Variants in WWOX observed in about 807,000 individuals in gnomAD.
WWOX encodes the protein WW domain containing oxidoreductase.
In WWOX, 69 loss-of-function variants were observed where a neutral mutation model predicts 46.2. That is an observed-to-expected ratio of 1.49 (90% CI 1.23 to 1.82). The LOEUF (loss-of-function observed/expected upper bound fraction) is 1.82. Among genes scored for constraint, WWOX ranks in the 40% most tolerant of loss-of-function variants. WWOX has a pLI of 0.00. For missense variants in WWOX, 919 were observed against 542.6 expected, an observed-to-expected ratio of 1.69 and a Z score of -6.89; for synonymous variants, 359 against 202.6, an observed-to-expected ratio of 1.77 and a Z score of -6.56.
chr16:78,492,064 C>G (rs951749469), intron 8 of WWOX, among the ~76,000 whole-genome samples: 9 of 152,072 alleles, frequency 5.9e-5, no homozygotes, highest in Admixed American at 2.0e-4. Flanking sequence ...TGGGGTTAGT[C>G]TCTGGGTTTT....
chr16:79,211,830 C>A lies in WWOX; in HGVS notation c.*34C>A. The A allele has an allele frequency of 1.9e-6, 3 of 1,613,102 alleles. No homozygotes were observed. The highest frequency in any genetic ancestry group is 2.5e-6 in the Non-Finnish European group (3 of 1,179,756). The stretch of plus-strand genomic sequence containing the variant: ...CAGAGCGGATGGGCACACACACCCG[C>A]CCTGTGTGTGTCCCCTCACGCAAGT... On this transcript the variant is annotated 3_prime_UTR_variant, in exon 9 of 9. Transcript: ENST00000566780.
At chr16:79,008,371 A>T (rs758867546) in intron 8 of WWOX, among the ~76,000 whole-genome samples, 1 of 152,210 alleles carries the variant, frequency 6.6e-6, no homozygotes, top group East Asian at 1.9e-4. Context: ...CCTTTTGATT[A>T]ATGCAAAACC....
chr16:79,198,891 G>C (rs1257559303), intron 8 of WWOX, among the ~76,000 whole-genome samples: 3 of 152,164 alleles, frequency 2.0e-5, no homozygotes, highest in Non-Finnish European at 2.9e-5. Flanking sequence ...ACCTGAAGGT[G>C]TGCTATGTTC....
intron 8 of WWOX, among the ~76,000 whole-genome samples, chr16:78,894,696 T>C (rs2044663275): frequency 1.3e-5 from 2 of 152,054 alleles, no homozygotes; most frequent in African/African-American, 4.8e-5. Context: ...GTGGAAACAA[T>C]AGAGAGAATA....
intron 5 of WWOX, among the ~76,000 whole-genome samples, chr16:78,239,565 C>T (rs965037075): frequency 2.6e-5 from 4 of 152,038 alleles, no homozygotes; most frequent in African/African-American, 7.2e-5. Flanking sequence ...GACAGGGTCT[C>T]GCTTTGTCAT....
At chr16:78,502,646 A>G (rs1453073921) in intron 8 of WWOX, among the ~76,000 whole-genome samples, 1 of 152,198 alleles carries the variant, frequency 6.6e-6, no homozygotes, top group Non-Finnish European at 1.5e-5. Flanking sequence ...GTTGTCCACA[A>G]GTTTCAGCAT....
chr16:78,180,299 G>T (rs1173258176), intron 5 of WWOX, among the ~76,000 whole-genome samples: 1 of 152,106 alleles, frequency 6.6e-6, no homozygotes, highest in East Asian at 1.9e-4. Context: ...CAGAAACCTG[G>T]GCCTTTAGGT....
At chr16:78,383,151 C>G (rs932645927) in intron 5 of WWOX, among the ~76,000 whole-genome samples, 3 of 151,592 alleles carry the variant, frequency 2.0e-5, no homozygotes, top group Non-Finnish European at 4.4e-5. Context: ...GGCCCCACCT[C>G]CAGTATTGGG....
At chr16:78,984,539 C>T (rs1567459823) in intron 8 of WWOX, among the ~76,000 whole-genome samples, 1 of 152,114 alleles carries the variant, frequency 6.6e-6, no homozygotes, top group Non-Finnish European at 1.5e-5. Flanking sequence ...CAGAATTAGC[C>T]CTGTGGGATG....
intron 8 of WWOX, among the ~76,000 whole-genome samples, chr16:78,617,742 G>A (rs1293140916): frequency 6.6e-6 from 1 of 152,146 alleles, no homozygotes; most frequent in Non-Finnish European, 1.5e-5. Flanking sequence ...TGTCTTTTCT[G>A]TGCCATCTTG....
intron 8 of WWOX, among the ~76,000 whole-genome samples, chr16:78,721,082 A>G (rs79640158): frequency 0.018 from 2,789 of 152,202 alleles, 78 homozygotes; most frequent in African/African-American, 0.063. Flanking sequence ...TCACTTGTAG[A>G]TATATATTTA....
chr16:78,760,936 G>C (rs1473542715), intron 8 of WWOX, among the ~76,000 whole-genome samples: 1 of 152,168 alleles, frequency 6.6e-6, no homozygotes, highest in Non-Finnish European at 1.5e-5. Flanking sequence ...AAGAGAGCTT[G>C]TGCAGGGAAA....
intron 5 of WWOX, among the ~76,000 whole-genome samples, chr16:78,200,191 A>T (rs543478943): frequency 5.3e-5 from 8 of 152,206 alleles, no homozygotes; most frequent in Admixed American, 1.3e-4. Context: ...CTGTTGCCTC[A>T]GCCGCTGACC....
At chr16:78,113,026 G>A (rs2032585464) in intron 3 of WWOX, among the ~76,000 whole-genome samples, 1 of 152,122 alleles carries the variant, frequency 6.6e-6, no homozygotes, top group African/African-American at 2.4e-5. Context: ...AATTTTTTAT[G>A]TAGTCAAATC....
intron 8 of WWOX, chr16:79,017,273 A>C (rs1162487156): frequency 1.3e-5 from 2 of 149,784 alleles, no homozygotes; most frequent in East Asian, 1.9e-4. Context: ...TCCTAAAAAT[A>C]CAAAAAATTA....
intron 8 of WWOX, among the ~76,000 whole-genome samples, chr16:79,091,296 T>TC (rs912341925): frequency 4.6e-5 from 7 of 152,164 alleles, no homozygotes; most frequent in African/African-American, 1.2e-4. Flanking sequence ...CTTTTTTTTT[T>TC]CTCACCTTTT....
intron 5 of WWOX, among the ~76,000 whole-genome samples, chr16:78,335,793 C>G (rs9937072): frequency 6.6e-5 from 10 of 152,178 alleles, no homozygotes; most frequent in South Asian, 2.1e-4. Context: ...CCAAAACTTG[C>G]GTTTCTAAAA....
At chr16:79,039,391 C>A (rs2047928820) in intron 8 of WWOX, among the ~76,000 whole-genome samples, 1 of 152,114 alleles carries the variant, frequency 6.6e-6, no homozygotes, top group East Asian at 1.9e-4. Flanking sequence ...CGACCCCCTT[C>A]CCCCATAGGA....
intron 6 of WWOX, among the ~76,000 whole-genome samples, chr16:78,424,010 A>G (rs1261031922): frequency 6.7e-6 from 1 of 149,012 alleles, no homozygotes; most frequent in Non-Finnish European, 1.5e-5. Flanking sequence ...CAGAGCGATT[A>G]CCCCCTTGCT....
Sources: allele counts gnomAD v4.1 joint callset (sites outside exome capture counted in the v4.1 genomes callset), GRCh38; gene constraint gnomAD v4.1.1; transcripts MANE v1.5; gene names NCBI Gene and HGNC (gene_info 2026-07-23, HGNC 2026-07-21).